The following RSBN1 variants were observed in gnomAD, a reference collection of about 807,000 sequenced individuals.
The protein encoded by RSBN1 is round spermatid basic protein 1.
Under a neutral mutation model 74.8 loss-of-function variants are expected in RSBN1, and 23 were observed. The ratio of observed to expected loss-of-function variants is 0.31; its 90% CI spans 0.22 to 0.44. RSBN1 has a LOEUF of 0.44. Among genes scored for constraint, RSBN1 ranks in the 20% least tolerant of loss-of-function variants. RSBN1 has a pLI of 1.00. For missense variants in RSBN1, 808 were observed against 1,020.9 expected (o/e 0.79, Z 2.84); for synonymous variants, 407 against 379.6 (o/e 1.07, Z -0.84).
intron 2 of RSBN1, among the ~76,000 whole-genome samples, chr1:113,795,511 T>C (rs1246188584): frequency 1.3e-5 from 2 of 152,222 alleles, no homozygotes; most frequent in Admixed American, 6.5e-5. Flanking sequence ...ATCCACACCA[T>C]ACTCTTCTCT....
rs762399433 is a variant in RSBN1 at position 113,777,680 on chromosome 1, T to C, written c.1506A>G (p.Pro502=). ...PEFLDMLEES[P]FLKMTLPWGT... ...CTTAATTAACACTCACTTTCAGAAA[T>C]GGTGATTCTTCTAACATATCAAGGA... Residue 502 remains proline, a synonymous_variant, in exon 3 of 7, where the codon CCA becomes CCG. Transcript: ENST00000261441. 5.0e-6 allele frequency: 8 copies of C among 1,608,634 alleles called. No individual in the cohort carries two copies. In the East Asian group the frequency reaches 8.9e-5, roughly 18 times the overall value.
At chr1:113,773,894 T>C (rs553918730) in intron 4 of RSBN1, among the ~76,000 whole-genome samples, 1 of 151,280 alleles carries the variant, frequency 6.6e-6, no homozygotes, top group African/African-American at 2.4e-5. Context: ...TCCCAGCTAC[T>C]CGGGAGGCTG....
chr1:113,808,622 T>C (rs1195977948), intron 1 of RSBN1, among the ~76,000 whole-genome samples: 2 of 152,184 alleles, frequency 1.3e-5, no homozygotes, highest in Non-Finnish European at 2.9e-5. Context: ...AGGTGAACCA[T>C]GGTACATCCA....
chr1:113,768,038 GCT>G (rs1213734656), intron 5 of RSBN1, 182 bp downstream of exon 5: 9 of 462,404 alleles, frequency 1.9e-5, no homozygotes, highest in Non-Finnish European at 3.0e-5. Flanking sequence ...AGGTTCTGGA[GCT>G]CTGTTTCGTA....
chr1:113,773,906 G>A (rs977412171), intron 4 of RSBN1, among the ~76,000 whole-genome samples: 1 of 151,936 alleles, frequency 6.6e-6, no homozygotes, highest in Admixed American at 6.6e-5. Flanking sequence ...GGGAGGCTGA[G>A]GCAGGAGAAT....
At chr1:113,809,194 C>G (rs372890355) in intron 1 of RSBN1, among the ~76,000 whole-genome samples, 32 of 152,242 alleles carry the variant, frequency 2.1e-4, no homozygotes, top group African/African-American at 7.7e-4. Flanking sequence ...ATAATAAAGG[C>G]CGGTTTTAAG....
At chr1:113,767,256 AATG>A (rs1193357785) in intron 5 of RSBN1, 49 bp from the exon 6 acceptor site, 1 of 1,054,560 alleles carries the variant, frequency 9.5e-7, no homozygotes, top group Non-Finnish European at 1.4e-6. Flanking sequence ...CACAATGAAA[AATG>A]ATGACAAATT....
chr1:113,786,557 T>C (rs1002846151), intron 2 of RSBN1, among the ~76,000 whole-genome samples: 2 of 152,134 alleles, frequency 1.3e-5, no homozygotes, highest in Non-Finnish European at 2.9e-5. Context: ...ACTTTGAAGA[T>C]GGAGGAAGGG....
At chr1:113,792,515 C>T (rs150147385) in intron 2 of RSBN1, among the ~76,000 whole-genome samples, 2,659 of 152,192 alleles carry the variant, frequency 0.017, 47 homozygotes, top group Non-Finnish European at 0.025. Context: ...CTAGCCTAGA[C>T]GACATAGTGA....
In RSBN1 at chr1:113,812,115, G is replaced by T. The variant is rs755050593; in HGVS notation, c.298C>A (p.Arg100=). The change falls in exon 1 of 7, where the codon CGG becomes AGG. Residue 100 remains arginine, a synonymous_variant. Coordinates refer to ENST00000261441, the MANE Select transcript of RSBN1 (RefSeq NM_018364.5). ...GGGGGCTCCTGGCTCGGCCGCCCCC[G>T]CTTCTCCTGAGACCCCCCACTGCTA... is the stretch of plus-strand genomic sequence containing the variant. The part of the protein sequence containing the change: ...RSSSGGSQEK[R]GRPSQEPPLA... 3.1e-6 allele frequency: 5 copies of T among 1,601,370 alleles called. No individual in the cohort carries two copies. The East Asian group carries it at 1.1e-4, about 36-fold the overall frequency.
rs542480289 is a variant in RSBN1 at position 113,811,803 on chromosome 1, G to C, written c.610C>G (p.Pro204Ala). The C allele has an allele frequency of 2.5e-6, 4 of 1,613,740 alleles. No homozygotes were observed. Among genetic ancestry groups the C allele is most frequent in the Non-Finnish European group, 2.5e-6 (3 of 1,179,968 alleles). ...HHHHRGPDGD[P>A]SSCGTDLKHK... ...TTGAGATCGGTTCCGCAGGAGCTGG[G>C]ATCACCATCGGGGCCGCGGTGGTGA... The change falls in exon 1 of 7, where the codon CCC becomes GCC. Residue 204 changes from proline (P) to alanine (A), a missense_variant. Pro to Ala is a conservative substitution (Grantham distance 27, BLOSUM62 -1). Around this residue, in one of 6 missense-constraint regions of RSBN1, gnomAD observed 464 missense variants for 401.0 expected, o/e 1.16. Coordinates refer to ENST00000261441, the MANE Select transcript of RSBN1 (RefSeq NM_018364.5).
chr1:113,803,258 T>C (rs1476534559), intron 1 of RSBN1, among the ~76,000 whole-genome samples: 1 of 152,204 alleles, frequency 6.6e-6, no homozygotes, highest in Admixed American at 6.5e-5. Context: ...CTGAAGGACA[T>C]TTTGATTGCT....
rs533547691 is a variant in RSBN1 at position 113,764,615 on chromosome 1, AT to A, written c.*1364del. ...CAGACATAATAAAGCAGCATCTTGT[AT>A]TTTTTTTTTTTTTTGCCTATGTTAA... On this transcript the variant is annotated 3_prime_UTR_variant, in exon 7 of 7. Transcript: ENST00000261441. 0.025 allele frequency: 3,316 copies of A among 133,026 alleles called. 117 individuals are homozygous for A. Among genetic ancestry groups the A allele is most frequent in the African/African-American group, 0.081 (2,980 of 36,590 alleles). The allele number at this position is 133,026 out of a possible 1,614,324, so 8.2% of individuals were successfully genotyped here.
At chr1:113,794,902 C>T (rs566162842) in intron 2 of RSBN1, among the ~76,000 whole-genome samples, 14 of 152,222 alleles carry the variant, frequency 9.2e-5, no homozygotes, top group South Asian at 4.1e-4. Context: ...AATATAGTCA[C>T]GAATAATTAT....
intron 2 of RSBN1, among the ~76,000 whole-genome samples, chr1:113,782,661 C>T (rs969354904): frequency 6.6e-6 from 1 of 152,144 alleles, no homozygotes; most frequent in African/African-American, 2.4e-5. Context: ...TGGACATATA[C>T]CAAGAAGTGG....
At chr1:113,799,702 T>C (rs980389837) in intron 1 of RSBN1, among the ~76,000 whole-genome samples, 1 of 152,202 alleles carries the variant, frequency 6.6e-6, no homozygotes, top group Non-Finnish European at 1.5e-5. Context: ...TCTGCTTATC[T>C]GTATTTTCTA....
intron 4 of RSBN1, among the ~76,000 whole-genome samples, chr1:113,773,831 C>T (rs1365653284): frequency 3.9e-5 from 6 of 151,934 alleles, no homozygotes; most frequent in Non-Finnish European, 8.8e-5. Context: ...GGTGAAACCC[C>T]GTCTCTACTA....
rs891911521 is a variant in RSBN1 at position 113,763,656 on chromosome 1, C to G, written c.*2324G>C. On this transcript the variant is annotated 3_prime_UTR_variant, in exon 7 of 7. Transcript: ENST00000261441. ...TCTCTTCATTCTATTGCAATTCTAA[C>G]ATACAATGAATTTATTAGTACATGA... The G allele has an allele frequency of 1.3e-5, 2 of 152,738 alleles. No individual in the cohort carries two copies. Among genetic ancestry groups the G allele is most frequent in the African/African-American group, 4.8e-5 (2 of 41,454 alleles). The allele number at this position is 152,738 out of a possible 1,614,324, so 9.5% of individuals were successfully genotyped here. A position where few individuals can be genotyped will look rare whatever the true frequency, so the allele number is the denominator to read the frequency against.
intron 1 of RSBN1, among the ~76,000 whole-genome samples, chr1:113,809,758 G>A (rs1030877654): frequency 2.6e-5 from 4 of 152,164 alleles, no homozygotes; most frequent in African/African-American, 9.7e-5. Context: ...GAGTGGTGTT[G>A]TCCAGTGTGG....
Sources: gnomAD v4.1 joint callset for allele counts (sites outside exome capture counted in the v4.1 genomes callset) on GRCh38, gnomAD v4.1.1 for gene constraint, gnomAD v4.1.1 regional missense constraint, MANE v1.5 for transcripts, NCBI Gene and HGNC (gene_info 2026-07-23, HGNC 2026-07-21) for gene names.